CTNNA3: variants seen among roughly 807,000 people sequenced by gnomAD.
CTNNA3 encodes catenin alpha-3.
A neutral mutation model predicts 95.7 loss-of-function variants in CTNNA3; 76 were observed. That is an observed-to-expected ratio of 0.79 (90% CI 0.66 to 0.96). CTNNA3 has a LOEUF of 0.96. Among genes scored for constraint, CTNNA3 ranks in the 40% least tolerant of loss-of-function variants. The pLI, the probability that CTNNA3 is intolerant of heterozygous loss-of-function variation, is 0.00. For synonymous variants in CTNNA3, 431 were observed against 374.4 expected, an observed-to-expected ratio of 1.15 and a Z score of -1.74; for missense variants, 1,191 against 1,089.8, an observed-to-expected ratio of 1.09 and a Z score of -1.31.
intron 13 of CTNNA3, among the ~76,000 whole-genome samples, chr10:66,113,315 C>T (rs1015365249): frequency 1.3e-5 from 2 of 152,116 alleles, no homozygotes; most frequent in Non-Finnish European, 2.9e-5. Context: ...GCAAGATGTT[C>T]CTAAGTTATT....
At chr10:66,231,562 T>C (rs1193503253) in intron 13 of CTNNA3, among the ~76,000 whole-genome samples, 2 of 152,176 alleles carry the variant, frequency 1.3e-5, no homozygotes, top group Admixed American at 1.3e-4. Context: ...TTTGATGCTG[T>C]TTTCCCTCAT....
chr10:67,160,844 C>G (rs1373089862), intron 7 of CTNNA3, among the ~76,000 whole-genome samples: 1 of 152,126 alleles, frequency 6.6e-6, no homozygotes, highest in Admixed American at 6.5e-5. Flanking sequence ...AAATATTATT[C>G]TGTATTGAAA....
At chr10:66,416,323 G>A (rs575664062) in intron 11 of CTNNA3, among the ~76,000 whole-genome samples, 3 of 151,892 alleles carry the variant, frequency 2.0e-5, no homozygotes, top group Non-Finnish European at 4.4e-5. Flanking sequence ...AAAAAAAAGT[G>A]ATAAAATATA....
chr10:66,848,363 G>A lies in CTNNA3; in HGVS notation c.1048-72839C>T, dbSNP rs149710809. On this transcript the variant is annotated intron_variant, in intron 7 of 17. Coordinates refer to ENST00000433211, the MANE Select transcript of CTNNA3 (RefSeq NM_013266.4). Reference sequence around the variant, plus strand: ...AATGATCTAGTCAGGCTCTGTACACGGTTTTAGTGATATGAGACAGAGGGC... The same window carrying A: ...AATGATCTAGTCAGGCTCTGTACACAGTTTTAGTGATATGAGACAGAGGGC... 3.0e-4 allele frequency among the ~76,000 whole-genome samples: 46 copies of A among 152,206 alleles called. No individual in the cohort carries two copies. In the East Asian group the frequency reaches 6.8e-3, roughly 22 times the overall value.
chr10:66,089,579 C>T (rs2081132731), intron 14 of CTNNA3, among the ~76,000 whole-genome samples: 1 of 151,750 alleles, frequency 6.6e-6, no homozygotes. Flanking sequence ...AATATGAATC[C>T]CTTATGATTT....
intron 5 of CTNNA3, among the ~76,000 whole-genome samples, chr10:67,241,769 G>A (rs1865723281): frequency 6.6e-6 from 1 of 152,156 alleles, no homozygotes. Context: ...CATAAAAAGC[G>A]GTATCCCTTG....
At chr10:66,926,422 GAAT>G in intron 7 of CTNNA3, 1 of 729,418 alleles carries the variant, frequency 1.4e-6, no homozygotes, top group Non-Finnish European at 2.4e-6. Flanking sequence ...GGCTGGCAAA[GAAT>G]AATGTTCCAA....
chr10:66,320,948 A>ACAT (rs1234566386), intron 12 of CTNNA3, among the ~76,000 whole-genome samples: 1 of 152,110 alleles, frequency 6.6e-6, no homozygotes, highest in Non-Finnish European at 1.5e-5. Flanking sequence ...AATCATGTTT[A>ACAT]CATTATTATT....
At chr10:65,951,729 T>C (rs1369978202) in intron 17 of CTNNA3, among the ~76,000 whole-genome samples, 2 of 151,914 alleles carry the variant, frequency 1.3e-5, no homozygotes, top group Non-Finnish European at 2.9e-5. Flanking sequence ...TAGAATGAAA[T>C]AAAGAACATG....
intron 7 of CTNNA3, among the ~76,000 whole-genome samples, chr10:66,892,222 C>T (rs1845296437): frequency 1.3e-5 from 2 of 152,006 alleles, no homozygotes; most frequent in Admixed American, 6.6e-5. Flanking sequence ...ACAAACAAAA[C>T]GAAATTGCCT....
chr10:66,777,860 T>C (rs1840376839), intron 7 of CTNNA3, among the ~76,000 whole-genome samples: 1 of 151,846 alleles, frequency 6.6e-6, no homozygotes, highest in African/African-American at 2.4e-5. Flanking sequence ...TTGTGTTGGC[T>C]GTAAAAACCC....
rs547658801 is a variant in CTNNA3, at chr10:67,075,881, C to A, written c.1047+104436G>T. On this transcript the variant is annotated intron_variant, in intron 7 of 17. Coordinates refer to ENST00000433211, the MANE Select transcript of CTNNA3 (RefSeq NM_013266.4). Reference sequence around the variant, plus strand: ...AATCTGAGCTTTCAATCAACAATTTCTTTCAACGAAGGTGTGGAGCATGGA... The same window carrying A: ...AATCTGAGCTTTCAATCAACAATTTATTTCAACGAAGGTGTGGAGCATGGA... Among the ~76,000 whole-genome samples the A allele has an allele frequency of 9.8e-5, 15 of 152,340 alleles. No individual in the cohort carries two copies. In the South Asian group the frequency reaches 1.7e-3, roughly 17 times the overall value.
chr10:66,141,463 AT>A (rs1279544973), intron 13 of CTNNA3, among the ~76,000 whole-genome samples: 1 of 152,134 alleles, frequency 6.6e-6, no homozygotes, highest in Admixed American at 6.6e-5. Context: ...GAATGAAGAT[AT>A]CCTCAAACAG....
chr10:67,596,769 T>C (rs2133359092), intron 3 of CTNNA3, among the ~76,000 whole-genome samples: 1 of 152,358 alleles, frequency 6.6e-6, no homozygotes, highest in Non-Finnish European at 1.5e-5. Context: ...TTGTATAGTA[T>C]GTCACAGGGG....
rs947772321 is a variant in CTNNA3 at position 67,150,907 on chromosome 10, C to T, written c.1047+29410G>A. Among the ~76,000 whole-genome samples, 10 of 152,156 alleles carry T rather than the reference C, an allele frequency of 6.6e-5. No individual in the cohort carries two copies. In the East Asian group the frequency reaches 1.5e-3, roughly 23 times the overall value. Reference sequence around the variant, plus strand: ...TGGAAGACTTCATTCTCAATCTACACGGCTATCCTTTCTTTTAAGTTCATA... The same window carrying T: ...TGGAAGACTTCATTCTCAATCTACATGGCTATCCTTTCTTTTAAGTTCATA... On this transcript the variant is annotated intron_variant, in intron 7 of 17. Coordinates refer to ENST00000433211, the MANE Select transcript of CTNNA3 (RefSeq NM_013266.4).
intron 7 of CTNNA3, among the ~76,000 whole-genome samples, chr10:67,116,721 AATAT>A (rs34041126): frequency 0.11 from 16,269 of 143,414 alleles, 1,098 homozygotes; most frequent in East Asian, 0.26. Flanking sequence ...CAGTTTTGAA[AATAT>A]ATATATATAT....
chr10:66,310,877 G>T (rs1370639828), intron 12 of CTNNA3, among the ~76,000 whole-genome samples: 1 of 151,792 alleles, frequency 6.6e-6, no homozygotes, highest in Non-Finnish European at 1.5e-5. Context: ...TAGAGACGGG[G>T]TTTCACCATG....
At chr10:66,779,905 A>T (rs574905801) in intron 7 of CTNNA3, among the ~76,000 whole-genome samples, 1 of 152,296 alleles carries the variant, frequency 6.6e-6, no homozygotes, top group South Asian at 2.1e-4. Flanking sequence ...CTAGTGATAG[A>T]CATAAACACA....
At chr10:67,668,829 TTTC>T (rs1235664493) in intron 1 of CTNNA3, among the ~76,000 whole-genome samples, 21 of 142,626 alleles carry the variant, frequency 1.5e-4, no homozygotes, top group African/African-American at 6.0e-4. Context: ...GCCTACTGTG[TTTC>T]TTTTTTTTTT....
Sources: gnomAD v4.1 joint callset for allele counts (sites outside exome capture counted in the v4.1 genomes callset) on GRCh38, gnomAD v4.1.1 for gene constraint, MANE v1.5 for transcripts, NCBI Gene and HGNC (gene_info 2026-07-23, HGNC 2026-07-21) for gene names.